Variants in RFC4 observed in about 807,000 individuals in gnomAD.
RFC4 encodes replication factor C subunit 4, also known as A1 37 kDa subunit.
Under a neutral mutation model 47.6 loss-of-function variants are expected in RFC4, and 38 were observed. That is an observed-to-expected ratio of 0.80 (90% CI 0.62 to 1.05). The LOEUF (loss-of-function observed/expected upper bound fraction) is 1.05, where lower values mean the gene tolerates loss of function less well. Ranked by LOEUF, RFC4 falls within the 50% of genes least tolerant of loss-of-function variation. The pLI is 0.00. For synonymous variants in RFC4, 164 were observed against 150.0 expected, an observed-to-expected ratio of 1.09 and a Z score of -0.68; for missense variants, 489 against 434.0, an observed-to-expected ratio of 1.13 and a Z score of -1.13.
At chr3:186,803,732 GA>G (rs1196202985) in intron 2 of RFC4, among the ~76,000 whole-genome samples, 2 of 151,036 alleles carry the variant, frequency 1.3e-5, no homozygotes, top group African/African-American at 4.9e-5. Flanking sequence ...GGCTGGTCTG[GA>G]ACTCCTGGCC....
intron 4 of RFC4, among the ~76,000 whole-genome samples, chr3:186,795,900 T>C (rs957981290): frequency 2.0e-5 from 3 of 152,160 alleles, no homozygotes; most frequent in African/African-American, 4.8e-5. Flanking sequence ...GAGCAGGTTT[T>C]TAAAGTGAGT....
At position 186,793,174 on chromosome 3, in the gene RFC4, A is replaced by G. The variant is rs1432660431; in HGVS notation, c.411-227T>C. ...TATTAGGAGTCACTCTTCTTCCCCC[A>G]GTCATTCCCAGCTCTAGGCAATCAT... On this transcript the variant is annotated intron_variant, in intron 5 of 10. Transcript: ENST00000296273. The surrounding 1 kb of genome is among the most constrained non-coding windows in gnomAD (Gnocchi z 4.2). Among the ~76,000 whole-genome samples, 1 of 152,190 alleles carries G rather than the reference A, an allele frequency of 6.6e-6. No individual in the cohort carries two copies. Among genetic ancestry groups the G allele is most frequent in the Non-Finnish European group, 1.5e-5 (1 of 68,040 alleles).
intron 4 of RFC4, 102 bp downstream of exon 4, chr3:186,797,433 C>T (rs911541762): frequency 1.4e-5 from 11 of 775,732 alleles, no homozygotes; most frequent in Middle Eastern, 6.2e-4. Flanking sequence ...GAAAACTATC[C>T]TACAGAAAAC....
chr3:186,792,445 T>A (rs753129046), intron 7 of RFC4, 45 bp downstream of exon 7: 1 of 1,556,306 alleles, frequency 6.4e-7, no homozygotes, highest in South Asian at 1.1e-5. Flanking sequence ...TATGCATTCA[T>A]CAAAGGAATT....
intron 5 of RFC4, among the ~76,000 whole-genome samples, chr3:186,794,112 A>G (rs899900262): frequency 6.6e-5 from 10 of 152,188 alleles, no homozygotes; most frequent in African/African-American, 2.4e-4. Context: ...TTTTAGGTAT[A>G]TGATTTGTAA....
At chr3:186,794,255 A>G (rs542650337) in intron 5 of RFC4, among the ~76,000 whole-genome samples, 3 of 152,374 alleles carry the variant, frequency 2.0e-5, no homozygotes, top group African/African-American at 7.2e-5. Context: ...ACAGATTTCA[A>G]GTATTAATGG....
intron 3 of RFC4, 100 bp downstream of exon 3, chr3:186,801,017 C>A (rs3917109): frequency 0.27 from 229,184 of 858,128 alleles, 33,293 homozygotes; most frequent in East Asian, 0.41. Flanking sequence ...GTACACAGAG[C>A]AAGATATTTA....
intron 8 of RFC4, among the ~76,000 whole-genome samples, 187 bp from the exon 9 acceptor site, chr3:186,790,593 A>C (rs577479054): frequency 9.9e-5 from 15 of 152,282 alleles, no homozygotes; most frequent in African/African-American, 3.4e-4. Context: ...CAAGGTGCTA[A>C]CAACTGTGCT....
In RFC4 at chr3:186,801,144, C is replaced by T; in HGVS notation, c.183G>A (p.Val61=). Residue 61 remains valine, a synonymous_variant, in exon 3 of 11, where the codon GTG becomes GTA. Coordinates refer to ENST00000296273, the MANE Select transcript of RFC4 (RefSeq NM_002916.5). ...EVAFQEEVVA[V]LKKSLEGADL... is the part of the protein sequence containing the mutation. ...CTGCTCCTTCTAAAGATTTTTTCAG[C>T]ACTGCAACCACTTCTTCCTGGAAAG... is the stretch of plus-strand genomic sequence containing the variant. The T allele has an allele frequency of 1.2e-6, 2 of 1,614,098 alleles. No individual in the cohort carries two copies. Among genetic ancestry groups the T allele is most frequent in the Non-Finnish European group, 1.7e-6 (2 of 1,179,964 alleles).
At chr3:186,790,474 G>T in intron 8 of RFC4, 68 bp from the exon 9 acceptor site, 1 of 1,045,524 alleles carries the variant, frequency 9.6e-7, no homozygotes, top group Non-Finnish European at 1.5e-6. Flanking sequence ...CTGCCAACTG[G>T]CCCCCGTGCC....
At chr3:186,797,672 G>A (rs1006367084) in intron 3 of RFC4, 58 bp from the exon 4 acceptor site, 38 of 1,229,960 alleles carry the variant, frequency 3.1e-5, no homozygotes, top group South Asian at 2.7e-4. Context: ...TAGATGAAAA[G>A]GAAGATCGAA....
rs750187652 is a variant in RFC4 at position 186,789,937 on chromosome 3, T to G, written c.*32A>C. On this transcript the variant is annotated 3_prime_UTR_variant, in exon 11 of 11. Coordinates refer to ENST00000296273, the MANE Select transcript of RFC4 (RefSeq NM_002916.5). ...TTTTATTTTTATTACAACTTCATTA[T>G]TTACAAAACCCCCCATCCAGATATA... is the stretch of plus-strand genomic sequence containing the variant. 1 of 1,337,188 alleles carries G rather than the reference T, an allele frequency of 7.5e-7. No homozygotes were observed. The highest frequency in any genetic ancestry group is 1.9e-5 in the Admixed American group (1 of 53,994). 82.8% of individuals were successfully genotyped at this position (1,337,188 alleles called of 1,614,324 possible). A position where few individuals can be genotyped will look rare whatever the true frequency, so the allele number is the denominator to read the frequency against.
At position 186,793,080 on chromosome 3, in the gene RFC4, A is replaced by C; in HGVS notation, c.411-133T>G. ...TTCAGTGTTTTTCTGTATGTTCACAAAGTTGTGCAACCATTACCACAATCT... is the reference window on the plus strand; with the variant it reads ...TTCAGTGTTTTTCTGTATGTTCACACAGTTGTGCAACCATTACCACAATCT... On this transcript the variant is annotated intron_variant, in intron 5 of 10. Transcript: ENST00000296273. This position sits in a 1 kb window ranked among gnomAD's most constrained non-coding sequence, Gnocchi z 4.2. 1.3e-6 allele frequency: 1 copy of C among 757,778 alleles called. No individual in the cohort carries two copies. Among genetic ancestry groups the C allele is most frequent in the Non-Finnish European group, 2.0e-6 (1 of 490,042 alleles). The allele number at this position is 757,778 out of a possible 1,614,324, so 46.9% of individuals were successfully genotyped here. A position where few individuals can be genotyped will look rare whatever the true frequency, so the allele number is the denominator to read the frequency against.
intron 2 of RFC4, 56 bp from the exon 3 acceptor site, chr3:186,801,251 A>G: frequency 1.5e-6 from 2 of 1,305,204 alleles, no homozygotes; most frequent in South Asian, 2.4e-5. Flanking sequence ...TAGCCACAGA[A>G]AACTCTCAAG....
chr3:186,792,881 A>G lies in RFC4; in HGVS notation c.477T>C (p.Ala159=). The change falls in exon 6 of 11, where the codon GCT becomes GCC. Residue 159 remains alanine, a synonymous_variant. Coordinates refer to ENST00000296273, the MANE Select transcript of RFC4 (RefSeq NM_002916.5). ...LDEADSMTSA[A]QAALRRTMEK... is the part of the protein sequence containing the mutation. ...CCATGGTACGTCTTAAAGCTGCCTGAGCAGCTGAGGTCATAGAATCTGCTT... is the reference window on the plus strand; with the variant it reads ...CCATGGTACGTCTTAAAGCTGCCTGGGCAGCTGAGGTCATAGAATCTGCTT... 6.2e-7 allele frequency: 1 copy of G among 1,613,136 alleles called. No individual in the cohort carries two copies.
At chr3:186,801,088 A>G (rs1722341434) in intron 3 of RFC4, 29 bp downstream of exon 3, 4 of 1,497,748 alleles carry the variant, frequency 2.7e-6, no homozygotes, top group East Asian at 2.3e-5. Flanking sequence ...TAAATATCCC[A>G]ATGACATTAA....
At position 186,790,324 on chromosome 3, in the gene RFC4, A is replaced by C; in HGVS notation, c.882+2T>G. ...TCCCCAAAGTTAGTAAGCTGACTTTACCTTGACCACAGCTTCTAGTTTGTC... is the reference window on the plus strand; with the variant it reads ...TCCCCAAAGTTAGTAAGCTGACTTTCCCTTGACCACAGCTTCTAGTTTGTC... On this transcript the variant is annotated splice_donor_variant, in intron 9 of 10. Coordinates refer to ENST00000296273, the MANE Select transcript of RFC4 (RefSeq NM_002916.5). LOFTEE classifies it high-confidence loss of function. 1 of 1,612,952 alleles carries C rather than the reference A, an allele frequency of 6.2e-7. No homozygotes were observed.
At chr3:186,801,422 C>T (rs1011854313) in intron 2 of RFC4, 6 of 537,606 alleles carry the variant, frequency 1.1e-5, no homozygotes, top group Admixed American at 3.4e-5. Context: ...CTGCATTGCT[C>T]GAATCTGTTA....
intron 4 of RFC4, among the ~76,000 whole-genome samples, chr3:186,797,114 G>A (rs1209515802): frequency 6.6e-6 from 1 of 152,222 alleles, no homozygotes; most frequent in East Asian, 1.9e-4. Flanking sequence ...GAAGTCCAGA[G>A]CAGGACTCAA....
Sources: gnomAD v4.1 joint callset for allele counts (sites outside exome capture counted in the v4.1 genomes callset) on GRCh38, gnomAD v4.1.1 for gene constraint, Gnocchi (gnomAD v3.1) non-coding constraint, MANE v1.5 for transcripts, NCBI Gene and HGNC (gene_info 2026-07-23, HGNC 2026-07-21) for gene names.